The following TERF2 variants were observed in gnomAD, a reference collection of about 807,000 sequenced individuals.
TERF2 encodes telomeric repeat binding factor 2.
A neutral mutation model predicts 56.1 loss-of-function variants in TERF2; 16 were observed. That is an observed-to-expected ratio of 0.29 (90% CI 0.19 to 0.43). The LOEUF (loss-of-function observed/expected upper bound fraction) is 0.43. TERF2 is among the 20% of genes least tolerant of loss of function. TERF2 has a pLI of 1.00. For missense variants in TERF2, 547 were observed against 712.9 expected (o/e 0.77, Z 2.65); for synonymous variants, 296 against 282.1 (o/e 1.05, Z -0.50).
intron 7 of TERF2, chr16:69,365,435 A>T (rs2013306430): frequency 1.3e-5 from 2 of 152,526 alleles, no homozygotes; most frequent in Middle Eastern, 3.4e-3. Flanking sequence ...AATACAACAC[A>T]GAGCAGAGGC....
chr16:69,366,687 T>C (rs979239936), intron 7 of TERF2, 120 bp downstream of exon 7: 1 of 1,324,072 alleles, frequency 7.6e-7, no homozygotes, highest in Non-Finnish European at 1.0e-6. Context: ...GTTCTAGCAG[T>C]CTGAGCAAGC....
intron 2 of TERF2, 77 bp downstream of exon 2, chr16:69,385,314 C>T (rs2014152477): frequency 8.0e-7 from 1 of 1,253,274 alleles, no homozygotes; most frequent in Admixed American, 1.7e-5. Flanking sequence ...AACCTGGAAT[C>T]CTTCAGTTCT....
chr16:69,366,590 T>A (rs1300357878), intron 7 of TERF2: 1 of 554,530 alleles, frequency 1.8e-6, no homozygotes, highest in African/African-American at 1.9e-5. Context: ...TTCCCACTCA[T>A]GCCCTAGTGC....
At chr16:69,372,621 G>A (rs1265591918) in intron 3 of TERF2, among the ~76,000 whole-genome samples, 1 of 152,090 alleles carries the variant, frequency 6.6e-6, no homozygotes, top group Non-Finnish European at 1.5e-5. Context: ...AATTAGCCAG[G>A]CATGGTGGTG....
rs1274318117 is a variant in TERF2, at chr16:69,372,133, A to G, written c.693+136T>C. 1.1e-5 allele frequency: 6 copies of G among 565,234 alleles called. No homozygotes were observed. In the East Asian group the frequency reaches 1.5e-4, roughly 14 times the overall value. 35.0% of individuals were successfully genotyped at this position (565,234 alleles called of 1,614,324 possible). A position where few individuals can be genotyped will look rare whatever the true frequency, so the allele number is the denominator to read the frequency against. ...CAGTGAGTTATCTTGGATATAAAAG[A>G]TAACTTGCTGCAGGTGTTACATGTT... On this transcript the variant is annotated intron_variant, in intron 4 of 9. Transcript: ENST00000254942.
chr16:69,370,949 A>AT (rs1295847308), intron 4 of TERF2, among the ~76,000 whole-genome samples: 1 of 151,920 alleles, frequency 6.6e-6, no homozygotes, highest in East Asian at 1.9e-4. Flanking sequence ...GCTATCACGT[A>AT]TGTGTATGAG....
At chr16:69,358,167 T>C (rs941124559) in intron 8 of TERF2, among the ~76,000 whole-genome samples, 6 of 151,824 alleles carry the variant, frequency 4.0e-5, no homozygotes, top group Admixed American at 6.6e-5. Flanking sequence ...CGCCCACCAC[T>C]ACGCCCGGCT....
At chr16:69,360,491 C>T (rs1487353758) in intron 8 of TERF2, among the ~76,000 whole-genome samples, 1 of 151,792 alleles carries the variant, frequency 6.6e-6, no homozygotes, top group African/African-American at 2.4e-5. Flanking sequence ...ATTGCTTGAG[C>T]CCAGGAGTTC....
At chr16:69,366,015 C>T (rs997190361) in intron 7 of TERF2, 43 of 152,278 alleles carry the variant, frequency 2.8e-4, no homozygotes, top group African/African-American at 9.6e-4. Context: ...ATATCATCAC[C>T]TCACAGAGTG....
At chr16:69,361,320 G>C in intron 8 of TERF2, 84 bp downstream of exon 8, 1 of 961,592 alleles carries the variant, frequency 1.0e-6, no homozygotes, top group Non-Finnish European at 1.7e-6. Context: ...GAGACAAGCA[G>C]CTTCTGGAAT....
rs1438905833 is a variant in TERF2, at chr16:69,385,918, A to T, written c.54T>A (p.Arg18=). The T allele has an allele frequency of 7.2e-7, 1 of 1,387,340 alleles. No homozygotes were observed. Among genetic ancestry groups the T allele is most frequent in the Non-Finnish European group, 9.3e-7 (1 of 1,069,640 alleles). The allele number at this position is 1,387,340 out of a possible 1,614,324, so 85.9% of individuals were successfully genotyped here. The change falls in exon 1 of 10, where the codon CGT becomes CGA. Residue 18 remains arginine, a synonymous_variant. Transcript: ENST00000254942. Reference sequence around the variant, plus strand: ...TCCTCGGCTGTGACGCCGCTGGGTCACGCACGACGCCCGGGCCGGAAGCGG... The same window carrying T: ...TCCTCGGCTGTGACGCCGCTGGGTCTCGCACGACGCCCGGGCCGGAAGCGG... ...AGPASGPGVV[R]DPAASQPRKR...
chr16:69,372,655 G>T (rs201441099), intron 3 of TERF2, among the ~76,000 whole-genome samples: 1 of 152,042 alleles, frequency 6.6e-6, no homozygotes, highest in Non-Finnish European at 1.5e-5. Context: ...CCAGCTACTC[G>T]GGAGGCTGAG....
At position 69,385,475 on chromosome 16, in the gene TERF2, T is replaced by G; in HGVS notation, c.391A>C (p.Arg131=). The change falls in exon 2 of 10, where the codon AGG becomes CGG. Residue 131 remains arginine, a synonymous_variant. Transcript: ENST00000254942. ...ACGGTGTGCTCCTTCCCCAAGGGCC[T>G]GACAAGCAAAGCTGGGAGAGAAGAC... ...IRDIMQALLV[R]PLGKEHTVSR... The G allele has an allele frequency of 6.2e-7, 1 of 1,614,028 alleles. No individual in the cohort carries two copies. Among genetic ancestry groups the G allele is most frequent in the Non-Finnish European group, 8.5e-7 (1 of 1,179,982 alleles).
In TERF2 at chr16:69,367,123, C is replaced by T. The variant is rs774906250; in HGVS notation, c.1024G>A (p.Asp342Asn). Reference protein sequence around the residue: ...AAFKTLSGAQDSEAAFAKLDQ... With the variant: ...AAFKTLSGAQNSEAAFAKLDQ... ...AGTTTTGCAAAGGCTGCCTCAGAAT[C>T]CTGTGCACCAGACAGAGTCTTGAAA... Residue 342 changes from aspartate (D) to asparagine (N), a missense_variant, in exon 7 of 10, where the codon GAT (aspartate) becomes AAT (asparagine). Physicochemically the swap from Asp to Asn is conservative, Grantham distance 23. Around this residue, in one of 6 missense-constraint regions of TERF2, gnomAD observed 211 missense variants for 236.8 expected, o/e 0.89. Transcript: ENST00000254942. 1.9e-6 allele frequency: 3 copies of T among 1,614,062 alleles called. No individual in the cohort carries two copies.
intron 8 of TERF2, among the ~76,000 whole-genome samples, chr16:69,358,073 A>T (rs547629304): frequency 1.4e-4 from 17 of 122,476 alleles, no homozygotes; most frequent in African/African-American, 3.2e-4. Context: ...AGTGCAGTGG[A>T]GCGATCTCGG....
intron 3 of TERF2, among the ~76,000 whole-genome samples, chr16:69,383,164 G>A (rs1022478269): frequency 1.2e-4 from 19 of 152,124 alleles, no homozygotes; most frequent in Non-Finnish European, 2.4e-4. Flanking sequence ...TAAAGGAGTT[G>A]CTACAGGTTG....
chr16:69,361,373 A>C (rs757652839), intron 8 of TERF2, 31 bp downstream of exon 8: 1 of 1,497,480 alleles, frequency 6.7e-7, no homozygotes, highest in East Asian at 2.3e-5. Context: ...AGCAAGCATC[A>C]AGAAGAGGCC....
In TERF2 at chr16:69,368,399, T is replaced by C. The variant is rs985268126; in HGVS notation, c.924A>G (p.Glu308=). ...ACCTTGCGGGTTCTCTGGGTGGCTT[T>C]TCCACAGGCCCTGGTGCTGGCTGTT... The part of the protein sequence containing the change: ...EDKQPAPGPV[E]KPPREPARQL... Residue 308 remains glutamate, a synonymous_variant, in exon 6 of 10, where the codon GAA becomes GAG. Coordinates refer to ENST00000254942, the MANE Select transcript of TERF2 (RefSeq NM_005652.5). 1 of 1,613,940 alleles carries C rather than the reference T, an allele frequency of 6.2e-7. No homozygotes were observed. The highest frequency in any genetic ancestry group is 1.3e-5 in the African/African-American group (1 of 74,910).
In TERF2 at chr16:69,368,438, T is replaced by C; in HGVS notation, c.885A>G (p.Thr295=). ...ALKSESAASS[T]GKEDKQPAPG... ...GTGCTGGCTGTTTATCTTCCTTCCCTGTACTTGAGGCAGCGGACTCAGATT... is the reference window on the plus strand; with the variant it reads ...GTGCTGGCTGTTTATCTTCCTTCCCCGTACTTGAGGCAGCGGACTCAGATT... The change falls in exon 6 of 10, where the codon ACA becomes ACG. Residue 295 remains threonine (T), a synonymous_variant. Coordinates refer to ENST00000254942, the MANE Select transcript of TERF2 (RefSeq NM_005652.5). The C allele has an allele frequency of 6.2e-7, 1 of 1,614,166 alleles. No individual in the cohort carries two copies.
Sources: allele counts gnomAD v4.1 joint callset (sites outside exome capture counted in the v4.1 genomes callset), GRCh38; gene constraint gnomAD v4.1.1; regional missense constraint gnomAD v4.1.1; transcripts MANE v1.5; gene names NCBI Gene and HGNC (gene_info 2026-07-23, HGNC 2026-07-21).